ARAP3: variants seen among roughly 807,000 people sequenced by gnomAD.
ARAP3 encodes ArfGAP with RhoGAP domain, ankyrin repeat and PH domain 3.
Under a neutral mutation model 169.2 loss-of-function variants are expected in ARAP3, and 82 were observed. The ratio of observed to expected loss-of-function variants is 0.48; its 90% CI spans 0.41 to 0.58. ARAP3 has a LOEUF of 0.58. ARAP3 is among the 20% of genes least tolerant of loss of function. The probability of loss-of-function intolerance (pLI) is 0.00; values close to 1 mark genes in which losing one functional copy is unlikely to be tolerated. For synonymous variants in ARAP3, 791 were observed against 800.3 expected (o/e 0.99, Z 0.20); for missense variants, 1,764 against 2,018.0 (o/e 0.87, Z 2.41).
At chr5:141,667,294 A>G (rs567119357) in intron 16 of ARAP3, among the ~76,000 whole-genome samples, 1 of 152,324 alleles carries the variant, frequency 6.6e-6, no homozygotes, top group East Asian at 1.9e-4. Context: ...GAGAAGCTTC[A>G]TAGAGGAAAG....
At chr5:141,661,306 C>G (rs181080588) in intron 21 of ARAP3, among the ~76,000 whole-genome samples, 31 of 152,234 alleles carry the variant, frequency 2.0e-4, no homozygotes, top group Non-Finnish European at 4.1e-4. Flanking sequence ...TTAGATGACC[C>G]GCCCACCTTG....
chr5:141,663,732 T>G (rs17208502), intron 19 of ARAP3, among the ~76,000 whole-genome samples: 1 of 152,218 alleles, frequency 6.6e-6, no homozygotes, highest in African/African-American at 2.4e-5. Flanking sequence ...GAAAATGTTA[T>G]TAGCCACTGA....
At chr5:141,666,323 G>A (rs2099910632) in intron 17 of ARAP3, 101 bp downstream of exon 17, 3 of 1,147,780 alleles carry the variant, frequency 2.6e-6, no homozygotes, top group Non-Finnish European at 3.5e-6. Context: ...AAGCCACCAT[G>A]TTCTGCTGTT....
chr5:141,678,736 C>T (rs1043781615), intron 4 of ARAP3, among the ~76,000 whole-genome samples: 4 of 151,996 alleles, frequency 2.6e-5, no homozygotes, highest in African/African-American at 9.7e-5. Flanking sequence ...GATCCGTCTG[C>T]CTCAGCCTCC....
chr5:141,680,520 G>T lies in ARAP3; in HGVS notation c.-17-17C>A. On this transcript the variant is annotated splice_polypyrimidine_tract_variant and intron_variant, in intron 1 of 32. Transcript: ENST00000239440. ...AGGCCATTGCTGGGGGGAGGGGCAG[G>T]GTGAAGGGAGGGCTCAGGCTGAGAA... 1 of 1,552,076 alleles carries T rather than the reference G, an allele frequency of 6.4e-7. No homozygotes were observed.
At chr5:141,670,158 G>C in intron 14 of ARAP3, 95 bp from the exon 15 acceptor site, 1 of 1,468,238 alleles carries the variant, frequency 6.8e-7, no homozygotes, top group South Asian at 1.3e-5. Flanking sequence ...CAAGCCCTTT[G>C]CCCATATATG....
chr5:141,664,870 TCACCCC>T, intron 19 of ARAP3, 46 bp downstream of exon 19: 1 of 345,744 alleles, frequency 2.9e-6, no homozygotes, highest in Non-Finnish European at 5.7e-6. Flanking sequence ...CACCCCCTCA[TCACCCC>T]CACCCCCCAC....
chr5:141,668,050 A>AAAT (rs1202422623), intron 16 of ARAP3, among the ~76,000 whole-genome samples: 2 of 151,966 alleles, frequency 1.3e-5, no homozygotes, highest in Non-Finnish European at 2.9e-5. Flanking sequence ...CTCAAAAAGA[A>AAAT]AATAATAATA....
chr5:141,659,223 CA>C (rs2099909624), intron 23 of ARAP3, among the ~76,000 whole-genome samples, 184 bp downstream of exon 23: 1 of 152,146 alleles, frequency 6.6e-6, no homozygotes, highest in African/African-American at 2.4e-5. Context: ...ACAAATGGAG[CA>C]AACCCTAACC....
chr5:141,656,179 G>C lies in ARAP3; in HGVS notation c.3872+15C>G. On this transcript the variant is annotated intron_variant, in intron 28 of 32. Coordinates refer to ENST00000239440, the MANE Select transcript of ARAP3 (RefSeq NM_022481.6). ...AGGAAGGCCCTGGAAGTGCGGGCTG[G>C]GGAAGAAAACTCACGGTGTTGGGGG... 1 of 1,614,132 alleles carries C rather than the reference G, an allele frequency of 6.2e-7. No individual in the cohort carries two copies. The highest frequency in any genetic ancestry group is 1.1e-5 in the South Asian group (1 of 91,088).
chr5:141,673,786 C>A lies in ARAP3; in HGVS notation c.721G>T (p.Ala241Ser). 1.2e-6 allele frequency: 2 copies of A among 1,614,090 alleles called. No individual in the cohort carries two copies. The highest frequency in any genetic ancestry group is 1.7e-6 in the Non-Finnish European group (2 of 1,180,032). ...EHRLSRQDLE[A>S]REDAGYASLE... ...CTGGCATAGCCAGCATCCTCCCGTG[C>A]CTCCAGATCCTGTCTGCTGAGCCTT... The change falls in exon 5 of 33, where the codon GCA becomes TCA. Residue 241 changes from alanine (A) to serine (S), a missense_variant. This residue lies in a region of ARAP3 where 630 missense variants were observed against 678.7 expected (regional missense o/e 0.93). Transcript: ENST00000239440.
intron 19 of ARAP3, among the ~76,000 whole-genome samples, chr5:141,663,519 C>T (rs1402992549): frequency 1.9e-4 from 29 of 152,222 alleles, no homozygotes; most frequent in Admixed American, 1.3e-4. Flanking sequence ...GAACTCCTGA[C>T]CTCAGGTGAT....
chr5:141,678,318 C>T (rs555117643), intron 4 of ARAP3, among the ~76,000 whole-genome samples: 48 of 152,210 alleles, frequency 3.2e-4, no homozygotes, highest in South Asian at 2.7e-3. Context: ...CTCACCTGCC[C>T]CAGCCAAGAT....
At position 141,659,945 on chromosome 5, in the gene ARAP3, G is replaced by A; in HGVS notation, c.3120-19C>T. 2 of 1,540,106 alleles carry A rather than the reference G, an allele frequency of 1.3e-6. No individual in the cohort carries two copies. Among genetic ancestry groups the A allele is most frequent in the South Asian group, 1.2e-5 (1 of 83,824 alleles). On this transcript the variant is annotated intron_variant, in intron 21 of 32. Coordinates refer to ENST00000239440, the MANE Select transcript of ARAP3 (RefSeq NM_022481.6). ...CTGCACCCTGCAGAGGGGTGCCACG[G>A]TCTTCATCAGTGTAGCCACTCATTC... is the stretch of plus-strand genomic sequence containing the variant.
At chr5:141,657,419 A>C (rs1356337250) in intron 25 of ARAP3, among the ~76,000 whole-genome samples, 1 of 152,230 alleles carries the variant, frequency 6.6e-6, no homozygotes, top group Non-Finnish European at 1.5e-5. Context: ...ATGGTAAGGG[A>C]CTGGAATGAT....
intron 17 of ARAP3, among the ~76,000 whole-genome samples, chr5:141,665,808 A>C (rs1277038915): frequency 1.3e-5 from 2 of 152,168 alleles, no homozygotes; most frequent in East Asian, 3.9e-4. Flanking sequence ...AGGTGGGTGG[A>C]TCACCTGAGG....
Position 141,659,777 on chromosome 5 carries a change from A to C in ARAP3, c.3267+2T>G. 6.2e-7 allele frequency: 1 copy of C among 1,610,046 alleles called. No homozygotes were observed. Among genetic ancestry groups the C allele is most frequent in the Non-Finnish European group, 8.5e-7 (1 of 1,177,080 alleles). ...GTGGGTTAGGGGTCAGGAAAGCCTT[A>C]CATCAAAGACAGAGATGTAGCCATC... is the stretch of plus-strand genomic sequence containing the variant. On this transcript the variant is annotated splice_donor_variant, in intron 22 of 32. Transcript: ENST00000239440. LOFTEE classifies it high-confidence loss of function.
Position 141,669,946 on chromosome 5 carries a change from G to A in ARAP3, c.2225C>T (p.Pro742Leu). The A allele has an allele frequency of 1.2e-6, 2 of 1,600,564 alleles. No individual in the cohort carries two copies. The highest frequency in any genetic ancestry group is 2.2e-5 in the South Asian group (2 of 90,458). ...PQDIVCLGVS[P>L]PPTDPGDRFP... ...CCTGTCACCTGGGTCAGTGGGTGGG[G>A]GGCTCACACCCAGACATACAATATC... Residue 742 changes from proline to leucine, a missense_variant, in exon 15 of 33, where the codon CCC (proline) becomes CTC (leucine). Physicochemically the swap from Pro to Leu is moderately conservative, Grantham distance 98. Transcript: ENST00000239440.
At position 141,673,234 on chromosome 5, in the gene ARAP3, A is replaced by C. The variant is rs1278992356; in HGVS notation, c.973-101T>G. The C allele has an allele frequency of 1.9e-6, 3 of 1,587,116 alleles. No homozygotes were observed. The African/African-American group carries it at 4.0e-5, about 21-fold the overall frequency. Reference sequence around the variant, plus strand: ...ATTTTATAAGATTGGCATTAAATCCACAAGCAGTGGGTACAGCTGCTAAGC... The same window carrying C: ...ATTTTATAAGATTGGCATTAAATCCCCAAGCAGTGGGTACAGCTGCTAAGC... On this transcript the variant is annotated intron_variant, in intron 6 of 32. Coordinates refer to ENST00000239440, the MANE Select transcript of ARAP3 (RefSeq NM_022481.6).
Sources: gnomAD v4.1 joint callset for allele counts (sites outside exome capture counted in the v4.1 genomes callset) on GRCh38, gnomAD v4.1.1 for gene constraint, gnomAD v4.1.1 regional missense constraint, MANE v1.5 for transcripts, NCBI Gene and HGNC (gene_info 2026-07-23, HGNC 2026-07-21) for gene names.